The following INVS variants were observed in gnomAD, a reference collection of about 807,000 sequenced individuals.
The protein encoded by INVS is inversin, also known as inversion of embryo turning homolog.
In INVS, 86 loss-of-function variants were observed where a neutral mutation model predicts 108.8. That is an observed-to-expected ratio of 0.79 (90% CI 0.66 to 0.95). The LOEUF (loss-of-function observed/expected upper bound fraction) is 0.95, where lower values mean the gene tolerates loss of function less well. Ranked by LOEUF, INVS falls within the 40% of genes least tolerant of loss-of-function variation. INVS has a pLI of 0.00. For synonymous variants in INVS, 455 were observed against 473.5 expected (o/e 0.96, Z 0.51); for missense variants, 1,169 against 1,297.4 (o/e 0.90, Z 1.52).
At position 100,300,581 on chromosome 9, in the gene INVS, G is replaced by C. The variant is rs1833936376; in HGVS notation, c.3105G>C (p.Gln1035His). Residue 1035 changes from glutamine to histidine, a missense_variant, in exon 17 of 17, where the codon CAG (glutamine) becomes CAC (histidine). Around this residue, in one of 3 missense-constraint regions of INVS, gnomAD observed 533 missense variants for 536.0 expected, o/e 0.99. Coordinates refer to ENST00000262457, the MANE Select transcript of INVS (RefSeq NM_014425.5). ...TGTTTTTAACAGTGAGCAACCTACA[G>C]TGTATACATCTCCTTGAGAACAGTG... ...VLRLNSVSNL[Q>H]CIHLLENSGR... is the part of the protein sequence containing the mutation. 2 of 1,609,934 alleles carry C rather than the reference G, an allele frequency of 1.2e-6. No homozygotes were observed. The highest frequency in any genetic ancestry group is 4.5e-5 in the East Asian group (2 of 44,860).
At chr9:100,122,247 C>T (rs1228969552) in intron 2 of INVS, among the ~76,000 whole-genome samples, 1 of 152,066 alleles carries the variant, frequency 6.6e-6, no homozygotes, top group African/African-American at 2.4e-5. Context: ...TTAGTGGTTC[C>T]AGCAATTATT....
rs1491170487 is a variant in INVS at position 100,220,128 on chromosome 9, C to CT, written c.274-5925dup. 6.5e-4 allele frequency among the ~76,000 whole-genome samples: 98 copies of CT among 151,576 alleles called. 1 individual carries two copies. Among genetic ancestry groups the CT allele is most frequent in the African/African-American group, 2.2e-3 (91 of 41,482 alleles). ...GTTATTACCATTAAATAGCTATGTG[C>CT]TTTTTTTTTAAAAAAAGGAGTTCAT... On this transcript the variant is annotated intron_variant, in intron 3 of 16. Coordinates refer to ENST00000262457, the MANE Select transcript of INVS (RefSeq NM_014425.5).
In INVS at chr9:100,240,061, A is replaced by T; in HGVS notation, c.617A>T (p.Asp206Val). The T allele has an allele frequency of 6.2e-7, 1 of 1,613,832 alleles. No homozygotes were observed. Among genetic ancestry groups the T allele is most frequent in the Non-Finnish European group, 8.5e-7 (1 of 1,179,730 alleles). The change falls in exon 6 of 17, where the codon GAT becomes GTT. Residue 206 changes from aspartate (D) to valine (V), a missense_variant and splice_region_variant. Physicochemically the swap from Asp to Val is radical, Grantham distance 152. This residue lies in a region of INVS where 365 missense variants were observed against 397.5 expected (regional missense o/e 0.92). Transcript: ENST00000262457. ...AAGTCTCTGGTTCCTTCAAATCAGG[A>T]TGCTGCTCCAACAGAGTCTTTACTG... ...SAVHTVRCIL[D>V]AAPTESLLNW...
intron 3 of INVS, among the ~76,000 whole-genome samples, chr9:100,170,150 A>G (rs1829490417): frequency 6.6e-6 from 1 of 152,230 alleles, no homozygotes; most frequent in Non-Finnish European, 1.5e-5. Context: ...AAAATTTCAA[A>G]CAATTATTTG....
At chr9:100,183,695 G>A (rs550619114) in intron 3 of INVS, among the ~76,000 whole-genome samples, 42 of 151,038 alleles carry the variant, frequency 2.8e-4, no homozygotes, top group African/African-American at 1.0e-3. Context: ...GGAGGCTGAG[G>A]CATGAGAATT....
rs543819792 is a variant in INVS at position 100,209,588 on chromosome 9, G to C, written c.274-16474G>C. On this transcript the variant is annotated intron_variant, in intron 3 of 16. Coordinates refer to ENST00000262457, the MANE Select transcript of INVS (RefSeq NM_014425.5). ...GATCGAGACCATCCTGGCTAACACA[G>C]TGAAACCCTGTCTCTACTAAAAATA... Among the ~76,000 whole-genome samples the C allele has an allele frequency of 2.0e-5, 3 of 152,144 alleles. No individual in the cohort carries two copies. In the South Asian group the frequency reaches 6.2e-4, roughly 32 times the overall value.
chr9:100,129,472 G>A (rs1159187267), intron 3 of INVS, among the ~76,000 whole-genome samples: 2 of 151,728 alleles, frequency 1.3e-5, no homozygotes, highest in Admixed American at 1.3e-4. Context: ...CAGCCTGGGG[G>A]ACTGGAGTGA....
chr9:100,213,775 C>T (rs1389616713), intron 3 of INVS, among the ~76,000 whole-genome samples: 5 of 152,138 alleles, frequency 3.3e-5, no homozygotes, highest in Non-Finnish European at 4.4e-5. Context: ...CTGAGGAACA[C>T]CGAACTTCAG....
At chr9:100,135,225 G>C (rs1300096553) in intron 3 of INVS, among the ~76,000 whole-genome samples, 1 of 152,184 alleles carries the variant, frequency 6.6e-6, no homozygotes, top group Non-Finnish European at 1.5e-5. Context: ...GGGAAGGTAA[G>C]GGAGGACGGA....
At chr9:100,249,493 TTTTA>T (rs1330573979) in intron 8 of INVS, among the ~76,000 whole-genome samples, 3 of 151,958 alleles carry the variant, frequency 2.0e-5, no homozygotes, top group Non-Finnish European at 4.4e-5. Flanking sequence ...TTGAATTTAT[TTTTA>T]TTTATTTATT....
chr9:100,151,564 G>A lies in INVS; in HGVS notation c.273+25015G>A, dbSNP rs543703977. 2.7e-4 allele frequency among the ~76,000 whole-genome samples: 41 copies of A among 152,218 alleles called. No homozygotes were observed. The South Asian group carries it at 7.9e-3, about 29-fold the overall frequency. On this transcript the variant is annotated intron_variant, in intron 3 of 16. Coordinates refer to ENST00000262457, the MANE Select transcript of INVS (RefSeq NM_014425.5). ...AGATGAAGAAAGAGAAAGAATGGTGGCCTGATCCTGTAGGGCCTTATAGGC... is the reference window on the plus strand; with the variant it reads ...AGATGAAGAAAGAGAAAGAATGGTGACCTGATCCTGTAGGGCCTTATAGGC...
Position 100,229,774 on chromosome 9 carries a change from T to C in INVS, c.562T>C (p.Trp188Arg). The change falls in exon 5 of 17, where the codon TGG becomes CGG. Residue 188 changes from tryptophan (W) to arginine (R), a missense_variant. Trp to Arg is a moderately radical substitution (Grantham distance 101). Coordinates refer to ENST00000262457, the MANE Select transcript of INVS (RefSeq NM_014425.5). ...TGTTGAAGGCAAGATCCCACTTCAC[T>C]GGGCAGCCAACCATAAAGATCCAAG... Reference protein sequence around the residue: ...PDVEGKIPLHWAANHKDPSAV... With the variant: ...PDVEGKIPLHRAANHKDPSAV... 3 of 1,614,184 alleles carry C rather than the reference T, an allele frequency of 1.9e-6. No homozygotes were observed. Among genetic ancestry groups the C allele is most frequent in the Non-Finnish European group, 2.5e-6 (3 of 1,180,022 alleles).
At chr9:100,100,809 A>AT (rs1826879917) in intron 1 of INVS, among the ~76,000 whole-genome samples, 2 of 34,372 alleles carry the variant, frequency 5.8e-5, no homozygotes, top group Non-Finnish European at 9.4e-5. Context: ...ATATGTATAT[A>AT]TAATATATAT....
intron 3 of INVS, among the ~76,000 whole-genome samples, chr9:100,220,159 G>C (rs1156239809): frequency 1.3e-5 from 2 of 151,858 alleles, no homozygotes; most frequent in African/African-American, 4.8e-5. Context: ...TTCATCTTAA[G>C]AGAACTGGAC....
At chr9:100,219,058 T>C (rs1831067732) in intron 3 of INVS, among the ~76,000 whole-genome samples, 1 of 152,284 alleles carries the variant, frequency 6.6e-6, no homozygotes, top group South Asian at 2.1e-4. Flanking sequence ...AACAATATTA[T>C]TCAGATTACG....
chr9:100,264,979 GTCAC>G, intron 11 of INVS, 51 bp downstream of exon 11: 2 of 1,246,242 alleles, frequency 1.6e-6, no homozygotes, highest in Non-Finnish European at 1.2e-6. Context: ...TTCTCGCCCT[GTCAC>G]TCAGGTTGGG....
At chr9:100,233,883 A>G (rs1325711621) in intron 5 of INVS, among the ~76,000 whole-genome samples, 1 of 152,212 alleles carries the variant, frequency 6.6e-6, no homozygotes, top group Non-Finnish European at 1.5e-5. Context: ...TGCTGGCCTC[A>G]TAAAATGAGT....
At chr9:100,225,769 A>G (rs1451006091) in intron 3 of INVS, among the ~76,000 whole-genome samples, 1 of 152,216 alleles carries the variant, frequency 6.6e-6, no homozygotes, top group Non-Finnish European at 1.5e-5. Flanking sequence ...TATTAGAAAC[A>G]TTCTAGATAT....
rs566061431 is a variant in INVS at position 100,301,317 on chromosome 9, G to A, written c.*643G>A. Among the ~76,000 whole-genome samples the A allele has an allele frequency of 1.3e-5, 2 of 152,056 alleles. No homozygotes were observed. The highest frequency in any genetic ancestry group is 6.6e-5 in the Admixed American group (1 of 15,256). Reference sequence around the variant, plus strand: ...ATTCCTTACATTTTACAGTTCCTACGTTAGCCTCTCAAGGCCACAAGTTGC... The same window carrying A: ...ATTCCTTACATTTTACAGTTCCTACATTAGCCTCTCAAGGCCACAAGTTGC... On this transcript the variant is annotated 3_prime_UTR_variant, in exon 17 of 17. Transcript: ENST00000262457.
Sources: allele counts gnomAD v4.1 joint callset (sites outside exome capture counted in the v4.1 genomes callset), GRCh38; gene constraint gnomAD v4.1.1; regional missense constraint gnomAD v4.1.1; transcripts MANE v1.5; gene names NCBI Gene and HGNC (gene_info 2026-07-23, HGNC 2026-07-21).